Variants in HELLS observed in about 807,000 individuals in gnomAD.
HELLS encodes lymphoid-specific helicase.
A neutral mutation model predicts 120.0 loss-of-function variants in HELLS; 32 were observed. The ratio of observed to expected loss-of-function variants is 0.27; its 90% CI spans 0.20 to 0.36. The LOEUF is 0.36. HELLS is among the 10% of genes least tolerant of loss of function. The pLI is 1.00. For synonymous variants in HELLS, 341 were observed against 323.4 expected, an observed-to-expected ratio of 1.05 and a Z score of -0.58; for missense variants, 650 against 993.4, an observed-to-expected ratio of 0.65 and a Z score of 4.65.
At chr10:94,599,870 C>T (rs1409502224) in intron 21 of HELLS, among the ~76,000 whole-genome samples, 3 of 152,010 alleles carry the variant, frequency 2.0e-5, no homozygotes, top group South Asian at 2.1e-4. Context: ...CATTGAAGGA[C>T]GTTAATAGAA....
At chr10:94,596,721 G>C (rs1253035124) in intron 19 of HELLS, 139 bp from the exon 20 acceptor site, 6 of 548,200 alleles carry the variant, frequency 1.1e-5, no homozygotes, top group Non-Finnish European at 1.6e-5. Flanking sequence ...CGAAGCCTGA[G>C]AGCTTCATTT....
intron 2 of HELLS, among the ~76,000 whole-genome samples, chr10:94,547,465 A>G (rs531481401): frequency 2.0e-4 from 30 of 152,308 alleles, no homozygotes; most frequent in African/African-American, 7.2e-4. Context: ...TCCAAAAACG[A>G]GTAATGAGGC....
chr10:94,581,214 T>G (rs1844852276), intron 10 of HELLS, 112 bp from the exon 11 acceptor site: 1 of 583,114 alleles, frequency 1.7e-6, no homozygotes, highest in East Asian at 2.9e-5. Flanking sequence ...GAAATTACAT[T>G]TGATAAAATT....
chr10:94,600,648 C>T (rs527607653), intron 21 of HELLS, among the ~76,000 whole-genome samples: 2 of 152,244 alleles, frequency 1.3e-5, no homozygotes, highest in Non-Finnish European at 2.9e-5. Context: ...AGATTCTCCT[C>T]TCCTCACACT....
chr10:94,578,962 C>T (rs1193439118), intron 10 of HELLS, among the ~76,000 whole-genome samples: 1 of 152,100 alleles, frequency 6.6e-6, no homozygotes, highest in East Asian at 1.9e-4. Flanking sequence ...ACAGATGAAG[C>T]TTCCCTTTTC....
At chr10:94,548,633 A>G (rs1224175652) in intron 2 of HELLS, among the ~76,000 whole-genome samples, 4 of 152,198 alleles carry the variant, frequency 2.6e-5, no homozygotes, top group Non-Finnish European at 4.4e-5. Context: ...AGTTAGTCCT[A>G]AATTTAATAA....
chr10:94,586,722 G>A (rs970916662), intron 12 of HELLS, among the ~76,000 whole-genome samples: 2 of 151,626 alleles, frequency 1.3e-5, no homozygotes, highest in African/African-American at 2.4e-5. Context: ...TTGAGTCAAC[G>A]TCTCTGTCGC....
At chr10:94,607,833 T>C (rs1846144228) in intron 8 of HELLS, 5 of 296,552 alleles carry the variant, frequency 1.7e-5, no homozygotes, top group Non-Finnish European at 3.5e-5. Context: ...GGTCCAGCGA[T>C]TCTCCTGCAT....
intron 6 of HELLS, among the ~76,000 whole-genome samples, chr10:94,564,737 C>T (rs530435746): frequency 6.6e-6 from 1 of 152,010 alleles, no homozygotes; most frequent in African/African-American, 2.4e-5. Context: ...GTCTCAGCTT[C>T]TGAGAAGCTG....
chr10:94,604,350 C>T (rs1000042989), downstream of HELLS, among the ~76,000 whole-genome samples: 2 of 151,902 alleles, frequency 1.3e-5, no homozygotes, highest in Non-Finnish European at 2.9e-5. Context: ...GTCTCGAACT[C>T]CTCACCTCAA....
chr10:94,557,456 T>C (rs1843326813), intron 3 of HELLS, among the ~76,000 whole-genome samples: 1 of 152,216 alleles, frequency 6.6e-6, no homozygotes, highest in African/African-American at 2.4e-5. Context: ...TGTAAGAGTA[T>C]GTCTAGAATA....
chr10:94,585,711 A>G (rs371448913), intron 12 of HELLS, among the ~76,000 whole-genome samples: 3 of 148,332 alleles, frequency 2.0e-5, no homozygotes, highest in African/African-American at 7.5e-5. Flanking sequence ...TTTTTTAGAG[A>G]CAATGTCCTA....
At chr10:94,547,091 T>C (rs1039181448) in intron 2 of HELLS, among the ~76,000 whole-genome samples, 29 of 152,200 alleles carry the variant, frequency 1.9e-4, no homozygotes, top group Non-Finnish European at 3.1e-4. Flanking sequence ...CAAGTTGCTG[T>C]AGTTTTCTTG....
chr10:94,612,018 C>T (rs1846197776), exon 10 of HELLS: 1 of 152,148 alleles, frequency 6.6e-6, no homozygotes, highest in African/African-American at 2.4e-5. Context: ...TTATCTTATG[C>T]ATTGCTTCAG....
chr10:94,557,541 T>C (rs929928747), intron 3 of HELLS, among the ~76,000 whole-genome samples: 3 of 152,224 alleles, frequency 2.0e-5, no homozygotes, highest in African/African-American at 7.2e-5. Context: ...GAGGACTTTC[T>C]ACTTTGGCTG....
At chr10:94,601,156 A>G (rs1017452690) in intron 21 of HELLS, among the ~76,000 whole-genome samples, 51 of 152,306 alleles carry the variant, frequency 3.3e-4, no homozygotes, top group African/African-American at 1.2e-3. Flanking sequence ...GTTTTCAGCT[A>G]TTAAACGAAT....
chr10:94,594,662 C>A (rs1288068323), intron 18 of HELLS, 33 bp from the exon 19 acceptor site: 9 of 1,528,910 alleles, frequency 5.9e-6, no homozygotes, highest in Admixed American at 3.8e-5. Context: ...TAACCTAATA[C>A]CGTTAAATAT....
chr10:94,580,154 T>TATATATATATATA (rs1844779374), intron 10 of HELLS, among the ~76,000 whole-genome samples: 1 of 48,134 alleles, frequency 2.1e-5, no homozygotes, highest in Non-Finnish European at 3.8e-5. Context: ...TATATATATA[T>TATATATATATATA]ATATATATAC....
rs560899066 is a variant in HELLS at position 94,574,037 on chromosome 10, T to C, written c.555T>C (p.Asp185=). 5.0e-6 allele frequency: 8 copies of C among 1,611,408 alleles called. No individual in the cohort carries two copies. The highest frequency in any genetic ancestry group is 4.5e-5 in the East Asian group (2 of 44,858). ...KNKDSNSIIK[D]RLSETVRQNT... ...AAGATTCGAATAGTATAATTAAAGA[T>C]AGATTGTCTGAAACGGTTAGGCAGA... Residue 185 remains aspartate (D), a synonymous_variant, in exon 8 of 22, where the codon GAT becomes GAC. Coordinates refer to ENST00000348459, the MANE Select transcript of HELLS (RefSeq NM_018063.5).
Sources: gnomAD v4.1 joint callset for allele counts (sites outside exome capture counted in the v4.1 genomes callset) on GRCh38, gnomAD v4.1.1 for gene constraint, MANE v1.5 for transcripts, NCBI Gene and HGNC (gene_info 2026-07-23, HGNC 2026-07-21) for gene names.